DNAH11: variants seen among roughly 807,000 people sequenced by gnomAD.
The protein encoded by DNAH11 is dynein axonemal heavy chain 11, also known as axonemal beta dynein heavy chain 11.
In DNAH11, 442 loss-of-function variants were observed where a neutral mutation model predicts 526.0. The observed-to-expected ratio is 0.84, with a 90% CI of 0.78 to 0.91. DNAH11 has a LOEUF of 0.91. Among genes scored for constraint, DNAH11 ranks in the 40% least tolerant of loss-of-function variants. The pLI is 0.00. For missense variants in DNAH11, 6,989 were observed against 5,448.7 expected, an observed-to-expected ratio of 1.28 and a Z score of -8.90; for synonymous variants, 2,461 against 1,935.9, an observed-to-expected ratio of 1.27 and a Z score of -7.12.
At chr7:21,688,051 G>A (rs1158852500) in intron 34 of DNAH11, among the ~76,000 whole-genome samples, 1 of 152,138 alleles carries the variant, frequency 6.6e-6, no homozygotes, top group Non-Finnish European at 1.5e-5. Context: ...GACAGAGCAA[G>A]ACCCTTTCTC....
chr7:21,750,875 A>G (rs17145240), intron 54 of DNAH11, among the ~76,000 whole-genome samples: 42,917 of 152,050 alleles, frequency 0.28, 6,623 homozygotes, highest in East Asian at 0.67. Flanking sequence ...GGCCTGGAAC[A>G]TAGAGTTCTT....
chr7:21,851,167 A>T (rs1782617872), intron 66 of DNAH11: 1 of 161,310 alleles, frequency 6.2e-6, no homozygotes, highest in Non-Finnish European at 1.4e-5. Context: ...TAACTGAATC[A>T]CGGGATTGGT....
chr7:21,843,423 G>A (rs1206212144), intron 66 of DNAH11, among the ~76,000 whole-genome samples: 1 of 151,558 alleles, frequency 6.6e-6, no homozygotes, highest in African/African-American at 2.4e-5. Flanking sequence ...GGAAGACAAA[G>A]GCATATAACT....
chr7:21,821,479 A>G (rs1246165764), intron 65 of DNAH11, among the ~76,000 whole-genome samples: 1 of 152,206 alleles, frequency 6.6e-6, no homozygotes, highest in Admixed American at 6.5e-5. Flanking sequence ...ATGGGGACCC[A>G]GAGACATTAA....
rs200853274 is a variant in DNAH11 at position 21,571,953 on chromosome 7, C to T, written c.1573C>T (p.Pro525Ser). 52 of 1,577,924 alleles carry T rather than the reference C, an allele frequency of 3.3e-5. 1 individual carries two copies. Among genetic ancestry groups the T allele is most frequent in the Non-Finnish European group, 4.3e-5 (50 of 1,165,496 alleles). ...CKLFKQSTYD[P>S]SDCTNMEFES... Reference sequence around the variant, plus strand: ...ACTTTTTAAACAGAGCACTTATGACCCATCTGATTGCACTAACATGGTAAT... The same window carrying T: ...ACTTTTTAAACAGAGCACTTATGACTCATCTGATTGCACTAACATGGTAAT... Residue 525 changes from proline to serine, a missense_variant, in exon 8 of 82, where the codon CCA becomes TCA. Transcript: ENST00000409508.
intron 55 of DNAH11, among the ~76,000 whole-genome samples, chr7:21,770,580 G>A (rs1056535282): frequency 2.0e-5 from 3 of 152,192 alleles, no homozygotes; most frequent in African/African-American, 7.2e-5. Context: ...CCCCTGGGAT[G>A]GAGGCCCAAG....
chr7:21,793,077 C>T (rs1412874509), intron 61 of DNAH11, among the ~76,000 whole-genome samples: 1 of 152,116 alleles, frequency 6.6e-6, no homozygotes, highest in Non-Finnish European at 1.5e-5. Flanking sequence ...ATTAGGTTTC[C>T]ATTTTAATTT....
intron 29 of DNAH11, among the ~76,000 whole-genome samples, chr7:21,658,066 A>G (rs917862217): frequency 6.6e-6 from 1 of 152,144 alleles, no homozygotes; most frequent in Non-Finnish European, 1.5e-5. Flanking sequence ...ATCCTAAGAA[A>G]ATAAATACCT....
intron 54 of DNAH11, among the ~76,000 whole-genome samples, chr7:21,752,250 A>G (rs548951201): frequency 1.6e-4 from 24 of 152,374 alleles, no homozygotes; most frequent in African/African-American, 5.3e-4. Flanking sequence ...TGCTAGATTC[A>G]GTAGTTACAG....
chr7:21,781,987 T>G (rs566325264), intron 57 of DNAH11, among the ~76,000 whole-genome samples: 1 of 152,302 alleles, frequency 6.6e-6, no homozygotes, highest in East Asian at 1.9e-4. Flanking sequence ...CAGTTTGGAT[T>G]AGGGCTCACC....
At chr7:21,884,727 C>G (rs1412401263) in intron 76 of DNAH11, among the ~76,000 whole-genome samples, 1 of 152,168 alleles carries the variant, frequency 6.6e-6, no homozygotes, top group Non-Finnish European at 1.5e-5. Context: ...CTGTTATTCC[C>G]TTTTCTAGAC....
intron 64 of DNAH11, among the ~76,000 whole-genome samples, chr7:21,817,629 G>C (rs570607547): frequency 3.3e-5 from 5 of 151,646 alleles, no homozygotes; most frequent in Non-Finnish European, 5.9e-5. Flanking sequence ...GGAGATTGAG[G>C]CTACATTGAA....
chr7:21,655,077 C>T (rs965650284), intron 28 of DNAH11, among the ~76,000 whole-genome samples: 60 of 149,226 alleles, frequency 4.0e-4, no homozygotes, highest in African/African-American at 1.4e-3. Flanking sequence ...TCCCCCCCCA[C>T]CCCCAAATTG....
chr7:21,648,463 C>G (rs1029672752), intron 28 of DNAH11, among the ~76,000 whole-genome samples: 4 of 152,162 alleles, frequency 2.6e-5, no homozygotes, highest in East Asian at 3.8e-4. Context: ...CTGTAACCAT[C>G]CCATCATGAA....
Position 21,884,305 on chromosome 7 carries a change from T to C in DNAH11, c.12402T>C (p.Asp4134=). The C allele has an allele frequency of 6.2e-7, 1 of 1,607,844 alleles. No homozygotes were observed. Among genetic ancestry groups the C allele is most frequent in the Non-Finnish European group, 8.5e-7 (1 of 1,177,394 alleles). The change falls in exon 76 of 82, where the codon GAT becomes GAC. Residue 4134 remains aspartate, a synonymous_variant. Transcript: ENST00000409508. ...LEANSKVPWE[D]LRYLFGEIMY... is the part of the protein sequence containing the mutation. ...TTTCTCCACAGGTCCCATGGGAAGA[T>C]CTCCGTTATCTCTTTGGTGAGATCA...
chr7:21,829,430 T>A (rs191522822), intron 65 of DNAH11, among the ~76,000 whole-genome samples: 14 of 152,312 alleles, frequency 9.2e-5, no homozygotes, highest in African/African-American at 2.6e-4. Context: ...GAAATCTCTC[T>A]CCAAACAGCA....
In DNAH11 at chr7:21,601,527, C is replaced by G. The variant is rs757753783; in HGVS notation, c.3557C>G (p.Thr1186Ser). 1.9e-6 allele frequency: 3 copies of G among 1,613,494 alleles called. No homozygotes were observed. The highest frequency in any genetic ancestry group is 2.7e-5 in the African/African-American group (2 of 74,890). ...GCTGTAAGAAGCCGACAGAGAGCTA[C>G]TGATGAACTCTTTGAACCTCTAAAA... ...LLAVRSRQRATDELFEPLKET... is the reference protein window; with the variant it reads ...LLAVRSRQRASDELFEPLKET... The change falls in exon 18 of 82, where the codon ACT becomes AGT. Residue 1186 changes from threonine to serine, a missense_variant. Coordinates refer to ENST00000409508, the MANE Select transcript of DNAH11 (RefSeq NM_001277115.2).
intron 62 of DNAH11, 62 bp downstream of exon 62, chr7:21,801,337 T>C (rs1391312380): frequency 1.0e-5 from 16 of 1,586,578 alleles, no homozygotes; most frequent in Middle Eastern, 1.7e-4. Context: ...GGGGATTTTA[T>C]TATTTGCCAT....
At chr7:21,804,078 GTTTTT>G (rs760852121) in intron 62 of DNAH11, among the ~76,000 whole-genome samples, 1 of 116,530 alleles carries the variant, frequency 8.6e-6, no homozygotes, top group African/African-American at 3.2e-5. Flanking sequence ...TCTTGTAGTA[GTTTTT>G]TTTGTTTTGT....
Sources: gnomAD v4.1 joint callset for allele counts (sites outside exome capture counted in the v4.1 genomes callset) on GRCh38, gnomAD v4.1.1 for gene constraint, MANE v1.5 for transcripts, NCBI Gene and HGNC (gene_info 2026-07-23, HGNC 2026-07-21) for gene names.